ITPRID1: variants seen among roughly 807,000 people sequenced by gnomAD.
The protein encoded by ITPRID1 is protein ITPRID1.
ITPRID1 carries 96 observed loss-of-function variants against 95.4 expected under a neutral mutation model. The ratio of observed to expected loss-of-function variants is 1.01; its 90% confidence interval spans 0.85 to 1.19. ITPRID1 has a LOEUF of 1.19. ITPRID1 is among the 50% of genes most tolerant of loss of function. ITPRID1 has a pLI of 0.00. For missense variants in ITPRID1, 1,339 were observed against 1,252.9 expected (o/e 1.07, Z -1.04); for synonymous variants, 510 against 453.6 (o/e 1.12, Z -1.58).
At chr7:31,602,548 A>C (rs1453053112) in intron 10 of ITPRID1, among the ~76,000 whole-genome samples, 1 of 152,322 alleles carries the variant, frequency 6.6e-6, no homozygotes, top group South Asian at 2.1e-4. Flanking sequence ...GAGAGGCTGC[A>C]TTAGTTCCCA....
At chr7:31,656,741 G>A (rs140337840), downstream of ITPRID1, among the ~76,000 whole-genome samples, 57 of 152,294 alleles carry the variant, frequency 3.7e-4, 1 homozygote, top group East Asian at 5.6e-3. Context: ...ATGACTTCAT[G>A]TGTGATGGAG....
chr7:31,612,485 T>C (rs1786918481), intron 10 of ITPRID1, among the ~76,000 whole-genome samples: 1 of 152,150 alleles, frequency 6.6e-6, no homozygotes, highest in Non-Finnish European at 1.5e-5. Flanking sequence ...AACTTAGATA[T>C]ACTCCTAGGT....
intron 4 of ITPRID1, 81 bp downstream of exon 4, chr7:31,554,604 C>A: frequency 3.2e-6 from 5 of 1,550,416 alleles, no homozygotes; most frequent in East Asian, 2.3e-5. Context: ...TCTGCCTGGG[C>A]AAGGTCGGGG....
intron 10 of ITPRID1, among the ~76,000 whole-genome samples, chr7:31,599,690 C>CTCTT (rs1554290644): frequency 0.1 from 10,937 of 106,360 alleles, 1,200 homozygotes; most frequent in East Asian, 0.12. Context: ...CTCTCTCTCT[C>CTCTT]TCTTTCTTTC....
chr7:31,527,343 C>G (rs192182765), intron 1 of ITPRID1, among the ~76,000 whole-genome samples: 1 of 152,142 alleles, frequency 6.6e-6, no homozygotes, highest in African/African-American at 2.4e-5. Flanking sequence ...GACCTTAGCC[C>G]TAGTATGCAG....
Position 31,642,158 on chromosome 7 carries a change from A to G in ITPRID1, c.1229-18A>G. ...GTGTTTTCCCTTTAATAACCTCAAG[A>G]CCTCTTTCATTCTGCAGGTGCCAGG... On this transcript the variant is annotated intron_variant, in intron 10 of 14. Transcript: ENST00000615280. 1.3e-6 allele frequency: 2 copies of G among 1,544,322 alleles called. No homozygotes were observed. Among genetic ancestry groups the G allele is most frequent in the African/African-American group, 1.4e-5 (1 of 72,950 alleles).
At chr7:31,519,620 C>CTCTCTCTCTCTATA in intron 1 of ITPRID1, among the ~76,000 whole-genome samples, 22 of 25,266 alleles carry the variant, frequency 8.7e-4, no homozygotes, top group East Asian at 3.0e-3. Flanking sequence ...CTCTCTCTCT[C>CTCTCTCTCTCTATA]TATATATATA....
chr7:31,639,736 C>T (rs976596986), intron 10 of ITPRID1, among the ~76,000 whole-genome samples: 2 of 151,922 alleles, frequency 1.3e-5, no homozygotes, highest in African/African-American at 4.8e-5. Context: ...CGGGGTTTCA[C>T]TGTGTTAGCC....
chr7:31,567,008 G>T (rs763271373), intron 5 of ITPRID1, among the ~76,000 whole-genome samples: 13 of 152,094 alleles, frequency 8.5e-5, no homozygotes, highest in Non-Finnish European at 1.8e-4. Context: ...TTTTGCAAAG[G>T]ATTTTATATT....
intron 1 of ITPRID1, among the ~76,000 whole-genome samples, chr7:31,537,254 C>T (rs1236711090): frequency 6.6e-6 from 1 of 151,902 alleles, no homozygotes; most frequent in Non-Finnish European, 1.5e-5. Flanking sequence ...TGTGAGTGGC[C>T]CACAGTTTCA....
chr7:31,570,690 G>C (rs949552303), intron 6 of ITPRID1, among the ~76,000 whole-genome samples: 15 of 152,148 alleles, frequency 9.9e-5, no homozygotes, highest in Non-Finnish European at 2.2e-4. Context: ...AGAGGAAAAT[G>C]AGAGCCAGGT....
At chr7:31,560,135 A>C (rs1207827255) in intron 5 of ITPRID1, among the ~76,000 whole-genome samples, 1 of 152,204 alleles carries the variant, frequency 6.6e-6, no homozygotes, top group Admixed American at 6.5e-5. Context: ...AACATTTGTT[A>C]TCTGGGGATG....
At chr7:31,580,190 C>T (rs1336769948) in intron 9 of ITPRID1, among the ~76,000 whole-genome samples, 5 of 149,772 alleles carry the variant, frequency 3.3e-5, no homozygotes, top group Non-Finnish European at 5.9e-5. Context: ...CCCAGCTACT[C>T]GGGAGGCTGA....
chr7:31,533,925 C>T (rs564210449), intron 1 of ITPRID1, among the ~76,000 whole-genome samples: 3 of 152,120 alleles, frequency 2.0e-5, no homozygotes, highest in African/African-American at 7.2e-5. Context: ...TAGTCCCTGG[C>T]CTGCTACAAA....
chr7:31,531,669 G>A (rs1329805505), intron 1 of ITPRID1, among the ~76,000 whole-genome samples: 1 of 151,846 alleles, frequency 6.6e-6, no homozygotes, highest in African/African-American at 2.4e-5. Flanking sequence ...GAAGCCCGCA[G>A]GGAATTCAAC....
chr7:31,642,492 C>G (rs563033877), intron 11 of ITPRID1, among the ~76,000 whole-genome samples, 190 bp from the exon 12 acceptor site: 1 of 152,166 alleles, frequency 6.6e-6, no homozygotes, highest in Non-Finnish European at 1.5e-5. Flanking sequence ...TTCCTTTTGA[C>G]TTTTCTAAGC....
chr7:31,652,418 G>A, intron 14 of ITPRID1, 100 bp from the exon 15 acceptor site: 1 of 1,466,268 alleles, frequency 6.8e-7, no homozygotes, highest in Non-Finnish European at 9.0e-7. Flanking sequence ...CCATTCTAGA[G>A]AATCGACCAC....
chr7:31,658,289 A>G (rs1390545599), downstream of ITPRID1: 1 of 1,504,678 alleles, frequency 6.6e-7, no homozygotes, highest in Admixed American at 2.4e-5. Context: ...TTGTCTGCAG[A>G]GCTGGATCCC....
intron 10 of ITPRID1, among the ~76,000 whole-genome samples, chr7:31,584,967 C>T (rs1785535385): frequency 6.6e-6 from 1 of 152,252 alleles, no homozygotes. Context: ...CCTCTTGGAA[C>T]ATTCCCTCTG....
Sources: allele counts gnomAD v4.1 joint callset (sites outside exome capture counted in the v4.1 genomes callset), GRCh38; gene constraint gnomAD v4.1.1; transcripts MANE v1.5; gene names NCBI Gene and HGNC (gene_info 2026-07-23, HGNC 2026-07-21).